The following ULK4 variants were observed in gnomAD, a reference collection of about 807,000 sequenced individuals.
ULK4 encodes the protein unc-51 like kinase 4.
Under a neutral mutation model 160.6 loss-of-function variants are expected in ULK4, and 133 were observed. That is an observed-to-expected ratio of 0.83 (90% CI 0.72 to 0.96). The LOEUF (loss-of-function observed/expected upper bound fraction) is 0.96. Among genes scored for constraint, ULK4 ranks in the 40% least tolerant of loss-of-function variants. ULK4 has a pLI of 0.00. For missense variants in ULK4, 1,580 were observed against 1,499.5 expected (o/e 1.05, Z -0.89); for synonymous variants, 534 against 539.8 (o/e 0.99, Z 0.15).
chr3:41,277,408 A>C (rs1412747776), intron 35 of ULK4, among the ~76,000 whole-genome samples: 1 of 152,238 alleles, frequency 6.6e-6, no homozygotes, highest in African/African-American at 2.4e-5. Flanking sequence ...CACCATGATC[A>C]AGTGGGTTTC....
intron 35 of ULK4, among the ~76,000 whole-genome samples, chr3:41,396,049 A>G (rs1439607220): frequency 1.1e-4 from 16 of 152,132 alleles, no homozygotes; most frequent in Admixed American, 9.8e-4. Flanking sequence ...GTTTTAGTAA[A>G]TAACATAACT....
intron 35 of ULK4, 83 bp from the exon 36 acceptor site, chr3:41,249,657 G>A: frequency 7.1e-7 from 1 of 1,413,264 alleles, no homozygotes; most frequent in Non-Finnish European, 9.7e-7. Flanking sequence ...CTGAGTATCA[G>A]GCCTGCATGG....
intron 31 of ULK4, among the ~76,000 whole-genome samples, chr3:41,612,586 C>T (rs1198560676): frequency 3.3e-5 from 5 of 152,336 alleles, no homozygotes; most frequent in African/African-American, 1.2e-4. Context: ...CAAAATAATA[C>T]AAATTAATTT....
chr3:41,492,329 C>G (rs1329516524), intron 32 of ULK4, among the ~76,000 whole-genome samples: 1 of 152,102 alleles, frequency 6.6e-6, no homozygotes, highest in Non-Finnish European at 1.5e-5. Context: ...AATGGTTGAA[C>G]TAGTTTACAG....
chr3:41,447,833 C>T (rs1005687484), intron 34 of ULK4, among the ~76,000 whole-genome samples: 1 of 152,006 alleles, frequency 6.6e-6, no homozygotes, highest in Non-Finnish European at 1.5e-5. Context: ...CACAGGCTGC[C>T]CAATGAATGT....
At chr3:41,415,711 A>C (rs971776262) in intron 34 of ULK4, among the ~76,000 whole-genome samples, 15 of 151,898 alleles carry the variant, frequency 9.9e-5, no homozygotes, top group Non-Finnish European at 7.4e-5. Flanking sequence ...CACCAAAGCC[A>C]CTCTTCAATG....
chr3:41,282,970 C>A (rs2079388561), intron 35 of ULK4, among the ~76,000 whole-genome samples: 1 of 152,136 alleles, frequency 6.6e-6, no homozygotes, highest in Admixed American at 6.6e-5. Flanking sequence ...ACAACCCCAT[C>A]AAAAAGTTGG....
At chr3:41,374,008 C>T (rs2081425984) in intron 35 of ULK4, among the ~76,000 whole-genome samples, 1 of 152,186 alleles carries the variant, frequency 6.6e-6, no homozygotes, top group Non-Finnish European at 1.5e-5. Flanking sequence ...ACTATAAACA[C>T]CTCTACGCAA....
At chr3:41,681,945 C>T in intron 27 of ULK4, 141 bp from the exon 28 acceptor site, 1 of 793,944 alleles carries the variant, frequency 1.3e-6, no homozygotes, top group South Asian at 1.8e-5. Context: ...TGGATTTAAA[C>T]TCTCCATGAC....
intron 21 of ULK4, among the ~76,000 whole-genome samples, chr3:41,768,481 C>G (rs972123855): frequency 7.9e-5 from 12 of 152,112 alleles, no homozygotes; most frequent in African/African-American, 2.9e-4. Context: ...ACTCCTGAAA[C>G]AGTCACTCTT....
intron 27 of ULK4, among the ~76,000 whole-genome samples, chr3:41,697,183 T>C (rs2036531102): frequency 6.6e-6 from 1 of 152,196 alleles, no homozygotes; most frequent in Admixed American, 6.5e-5. Flanking sequence ...GAGATGCTTA[T>C]TCATATCAGT....
rs375875482 is a variant in ULK4 at position 41,586,193 on chromosome 3, C to T, written c.3121-20063G>A. On this transcript the variant is annotated intron_variant, in intron 31 of 36. Transcript: ENST00000301831. ...AAATAGGATCTCAAAGAGAGAATTG[C>T]CCATTCATGTTCACTGCTGCATTAC... is the stretch of plus-strand genomic sequence containing the variant. Among the ~76,000 whole-genome samples, 8 of 152,216 alleles carry T rather than the reference C, an allele frequency of 5.3e-5. No individual in the cohort carries two copies. The Middle Eastern group carries it at 0.01, about 194-fold the overall frequency.
chr3:41,370,487 A>G (rs922480978), intron 35 of ULK4, among the ~76,000 whole-genome samples: 1 of 152,184 alleles, frequency 6.6e-6, no homozygotes, highest in African/African-American at 2.4e-5. Context: ...CTGGTTAGAC[A>G]GTGCGTACAG....
At chr3:41,934,127 G>A (rs190694200) in intron 4 of ULK4, among the ~76,000 whole-genome samples, 1 of 152,166 alleles carries the variant, frequency 6.6e-6, no homozygotes, top group African/African-American at 2.4e-5. Context: ...AATATTTCTA[G>A]ACATGTAACA....
At chr3:41,454,153 G>A (rs2083485553) in intron 34 of ULK4, among the ~76,000 whole-genome samples, 1 of 147,630 alleles carries the variant, frequency 6.8e-6, no homozygotes, top group East Asian at 2.0e-4. Context: ...TTGTGCACAT[G>A]TACCCTAGAA....
chr3:41,635,409 TATA>T (rs1191637903), intron 30 of ULK4, among the ~76,000 whole-genome samples: 2 of 151,984 alleles, frequency 1.3e-5, no homozygotes, highest in Admixed American at 6.6e-5. Context: ...TATTAAGAAT[TATA>T]ATTTTACAAC....
intron 19 of ULK4, among the ~76,000 whole-genome samples, chr3:41,811,517 T>C (rs1009919849): frequency 6.6e-6 from 1 of 152,196 alleles, no homozygotes. Context: ...CTAATCCTTG[T>C]ATTGGAAAGA....
At chr3:41,617,674 A>C (rs557861299) in intron 30 of ULK4, among the ~76,000 whole-genome samples, 126 of 152,344 alleles carry the variant, frequency 8.3e-4, no homozygotes, top group Non-Finnish European at 1.6e-3. Context: ...GAAAGTCAGC[A>C]CAAAAATGCT....
intron 18 of ULK4, among the ~76,000 whole-genome samples, chr3:41,822,905 GAA>G (rs746771958): frequency 6.0e-4 from 90 of 150,984 alleles, no homozygotes; most frequent in Non-Finnish European, 7.2e-4. Context: ...TGTATTTTTA[GAA>G]GAGACCGGTT....
Sources: allele counts gnomAD v4.1 joint callset (sites outside exome capture counted in the v4.1 genomes callset), GRCh38; gene constraint gnomAD v4.1.1; transcripts MANE v1.5; gene names NCBI Gene and HGNC (gene_info 2026-07-23, HGNC 2026-07-21).